MAST4: variants seen among roughly 807,000 people sequenced by gnomAD.
MAST4 encodes microtubule-associated serine/threonine-protein kinase 4.
MAST4 carries 89 observed loss-of-function variants against 162.7 expected under a neutral mutation model. That is an observed-to-expected ratio of 0.55 (90% confidence interval 0.46 to 0.65). The LOEUF is 0.65. Ranked by LOEUF, MAST4 falls within the 30% of genes least tolerant of loss-of-function variation. The pLI is 0.00. For missense variants in MAST4, 3,153 were observed against 3,374.0 expected, an observed-to-expected ratio of 0.93 and a Z score of 1.62; for synonymous variants, 1,479 against 1,361.1, an observed-to-expected ratio of 1.09 and a Z score of -1.91.
chr5:66,924,396 AT>A (rs577279658), intron 4 of MAST4, among the ~76,000 whole-genome samples: 2,204 of 144,440 alleles, frequency 0.015, 15 homozygotes, highest in Non-Finnish European at 0.021. Context: ...GTAGAAAATA[AT>A]TTTTTTTTTT....
At chr5:66,865,740 C>T (rs1029523830) in intron 3 of MAST4, among the ~76,000 whole-genome samples, 1 of 152,110 alleles carries the variant, frequency 6.6e-6, no homozygotes, top group Non-Finnish European at 1.5e-5. Flanking sequence ...TTACAAGTCA[C>T]ATCATCAATT....
Position 67,168,459 on chromosome 5 carries a change from A to G in MAST4, c.*1408A>G, listed in dbSNP as rs1774290928. ...TTATTTAAATTTTGTATACCGTGGA[A>G]TATGTAGAATTTGTCAAATCATTTT... On this transcript the variant is annotated 3_prime_UTR_variant, in exon 29 of 29. Coordinates refer to ENST00000403625, the MANE Select transcript of MAST4 (RefSeq NM_001164664.2). 6.6e-6 allele frequency: 1 copy of G among 152,206 alleles called. No individual in the cohort carries two copies. The highest frequency in any genetic ancestry group is 2.4e-5 in the African/African-American group (1 of 41,456). The allele number at this position is 152,206 out of a possible 1,614,324, so 9.4% of individuals were successfully genotyped here. A position where few individuals can be genotyped will look rare whatever the true frequency, so the allele number is the denominator to read the frequency against.
intron 4 of MAST4, among the ~76,000 whole-genome samples, chr5:67,004,386 C>T (rs1321244433): frequency 1.3e-5 from 2 of 152,232 alleles, no homozygotes; most frequent in African/African-American, 4.8e-5. Context: ...TCAAGTCCTC[C>T]AATAGGCCCA....
chr5:66,930,910 A>G, intron 4 of MAST4: 1 of 359,000 alleles, frequency 2.8e-6, no homozygotes, highest in Non-Finnish European at 5.7e-6. Context: ...TGTGGAGGGT[A>G]TCTACTCTTC....
chr5:66,907,620 G>C (rs866747118), intron 4 of MAST4, among the ~76,000 whole-genome samples: 9 of 147,294 alleles, frequency 6.1e-5, no homozygotes, highest in South Asian at 2.2e-4. Context: ...GTGTGTGTGT[G>C]TGTGTGTGTG....
At chr5:66,742,769 C>T (rs573953464) in intron 1 of MAST4, among the ~76,000 whole-genome samples, 7 of 152,032 alleles carry the variant, frequency 4.6e-5, no homozygotes, top group Non-Finnish European at 1.0e-4. Flanking sequence ...TTCTGGCAAG[C>T]GGAGGTGTCA....
chr5:66,856,260 T>C (rs944473405), intron 3 of MAST4, among the ~76,000 whole-genome samples: 2 of 152,128 alleles, frequency 1.3e-5, no homozygotes, highest in Non-Finnish European at 2.9e-5. Context: ...TGTCAAAGGG[T>C]GCAGGGAGAA....
At chr5:67,004,756 T>C in intron 4 of MAST4, 1 of 480,826 alleles carries the variant, frequency 2.1e-6, no homozygotes, top group Non-Finnish European at 3.8e-6. Flanking sequence ...GAAATCAGTT[T>C]CCCGGACCTT....
intron 5 of MAST4, among the ~76,000 whole-genome samples, chr5:67,076,091 C>A (rs1761612928): frequency 6.6e-6 from 1 of 151,914 alleles, no homozygotes; most frequent in African/African-American, 2.4e-5. Flanking sequence ...TGACCTCTTT[C>A]TGGGAAAGAA....
chr5:66,693,395 T>C (rs1187908002), intron 1 of MAST4, among the ~76,000 whole-genome samples: 1 of 152,246 alleles, frequency 6.6e-6, no homozygotes, highest in African/African-American at 2.4e-5. Flanking sequence ...TATTTATCTT[T>C]GTATTCTTTT....
At chr5:67,049,680 A>G (rs969331101) in intron 4 of MAST4, among the ~76,000 whole-genome samples, 8 of 152,150 alleles carry the variant, frequency 5.3e-5, no homozygotes, top group East Asian at 3.8e-4. Context: ...CTGCCCCTCA[A>G]TGGTGGTTAG....
Position 67,165,454 on chromosome 5 carries a change from T to C in MAST4, c.6275T>C (p.Leu2092Pro). 6 of 1,613,934 alleles carry C rather than the reference T, an allele frequency of 3.7e-6. No individual in the cohort carries two copies. Among genetic ancestry groups the C allele is most frequent in the Non-Finnish European group, 5.1e-6 (6 of 1,179,896 alleles). Residue 2092 changes from leucine to proline, a missense_variant, in exon 29 of 29, where the codon CTG (leucine) becomes CCG (proline). Coordinates refer to ENST00000403625, the MANE Select transcript of MAST4 (RefSeq NM_001164664.2). ...KPEALLARRSLQPPGIESEKS... is the reference protein window; with the variant it reads ...KPEALLARRSPQPPGIESEKS... Reference sequence around the variant, plus strand: ...GAAGCGCTTCTTGCCAGGCGGTCTCTGCAGCCACCTGGAATTGAGAGTGAG... The same window carrying C: ...GAAGCGCTTCTTGCCAGGCGGTCTCCGCAGCCACCTGGAATTGAGAGTGAG...
At chr5:66,774,722 T>C (rs905008869) in intron 2 of MAST4, among the ~76,000 whole-genome samples, 10 of 152,224 alleles carry the variant, frequency 6.6e-5, no homozygotes, top group African/African-American at 2.4e-4. Context: ...AGATAAAATA[T>C]GGGGTATCCA....
chr5:66,695,870 A>G (rs749633930), intron 1 of MAST4, among the ~76,000 whole-genome samples: 3 of 152,234 alleles, frequency 2.0e-5, no homozygotes, highest in African/African-American at 7.2e-5. Flanking sequence ...CCAAAGGAAT[A>G]TAAATCATTC....
At chr5:67,144,479 CA>C (rs1770806713) in intron 21 of MAST4, among the ~76,000 whole-genome samples, 189 bp from the exon 22 acceptor site, 1 of 151,992 alleles carries the variant, frequency 6.6e-6, no homozygotes, top group Non-Finnish European at 1.5e-5. Context: ...CACACACACA[CA>C]CACACACTCA....
At chr5:66,952,666 G>A (rs1744845262) in intron 4 of MAST4, among the ~76,000 whole-genome samples, 1 of 152,138 alleles carries the variant, frequency 6.6e-6, no homozygotes. Context: ...TTTGTTCAAT[G>A]ACTTCATCAC....
chr5:66,949,998 A>G (rs577391237), intron 4 of MAST4, among the ~76,000 whole-genome samples: 1 of 152,306 alleles, frequency 6.6e-6, no homozygotes, highest in Non-Finnish European at 1.5e-5. Context: ...AGGAATCCCC[A>G]AATTCACAAG....
At chr5:66,972,981 T>C (rs11958797) in intron 4 of MAST4, among the ~76,000 whole-genome samples, 8,274 of 152,248 alleles carry the variant, frequency 0.054, 333 homozygotes, top group Middle Eastern at 0.11. Flanking sequence ...AACCTGTTTT[T>C]AAAAAGTTGA....
intron 5 of MAST4, among the ~76,000 whole-genome samples, chr5:67,082,846 T>C (rs973589005): frequency 6.6e-6 from 1 of 152,300 alleles, no homozygotes. Context: ...AACAGGTGAA[T>C]CTGAGTAAAG....
Sources: allele counts gnomAD v4.1 joint callset (sites outside exome capture counted in the v4.1 genomes callset), GRCh38; gene constraint gnomAD v4.1.1; transcripts MANE v1.5; gene names NCBI Gene and HGNC (gene_info 2026-07-23, HGNC 2026-07-21).